The following TMEM144 variants were observed in gnomAD, a reference collection of about 807,000 sequenced individuals.
TMEM144 encodes transmembrane protein 144.
A neutral mutation model predicts 43.6 loss-of-function variants in TMEM144; 39 were observed. That is an observed-to-expected ratio of 0.90 (90% CI 0.69 to 1.17). The LOEUF (loss-of-function observed/expected upper bound fraction) is 1.17, where lower values mean the gene tolerates loss of function less well. TMEM144 is among the 50% of genes most tolerant of loss of function. The pLI is 0.00. For missense variants in TMEM144, 417 were observed against 411.9 expected, an observed-to-expected ratio of 1.01 and a Z score of -0.11; for synonymous variants, 154 against 133.6, an observed-to-expected ratio of 1.15 and a Z score of -1.06.
chr4:158,215,046 T>A (rs1465692276), intron 3 of TMEM144, 145 bp from the exon 4 acceptor site: 2 of 943,914 alleles, frequency 2.1e-6, no homozygotes, highest in Non-Finnish European at 3.2e-6. Context: ...TGCAGAGTAG[T>A]CATAAGAATG....
chr4:158,219,985 G>T (rs1450209048), intron 6 of TMEM144, among the ~76,000 whole-genome samples: 1 of 152,170 alleles, frequency 6.6e-6, no homozygotes, highest in Non-Finnish European at 1.5e-5. Flanking sequence ...GTATGGCAGT[G>T]TTCAGTCCAT....
intron 11 of TMEM144, among the ~76,000 whole-genome samples, chr4:158,243,981 A>G (rs528644220): frequency 9.9e-5 from 15 of 152,206 alleles, no homozygotes; most frequent in Non-Finnish European, 2.2e-4. Context: ...CTAAGGAACT[A>G]GGCCAATGGA....
intron 3 of TMEM144, chr4:158,213,499 TCTC>T (rs1210684935): frequency 5.3e-5 from 8 of 152,252 alleles, no homozygotes; most frequent in African/African-American, 1.9e-4. Context: ...TGAGTGTTGT[TCTC>T]CTAGCCCCAT....
At chr4:158,219,224 G>A in intron 5 of TMEM144, 86 bp from the exon 6 acceptor site, 1 of 1,295,822 alleles carries the variant, frequency 7.7e-7, no homozygotes, top group South Asian at 1.3e-5. Context: ...TTGAACCCAG[G>A]AATCTGGCCC....
At chr4:158,234,653 C>G (rs1041154397) in intron 7 of TMEM144, 1 of 152,164 alleles carries the variant, frequency 6.6e-6, no homozygotes, top group Non-Finnish European at 1.5e-5. Context: ...CAGATAGTAC[C>G]AAACCTATAT....
chr4:158,236,281 T>A (rs1396419282), intron 8 of TMEM144, among the ~76,000 whole-genome samples: 1 of 148,844 alleles, frequency 6.7e-6, no homozygotes, highest in Admixed American at 6.7e-5. Flanking sequence ...TTTGAATGAA[T>A]GAAAGAATAA....
rs879176226 is a variant in TMEM144 at position 158,217,262 on chromosome 4, T to C, written c.233-59T>C. The C allele has an allele frequency of 1.4e-5, 17 of 1,216,482 alleles. No homozygotes were observed. In the South Asian group the frequency reaches 2.2e-4, roughly 16 times the overall value. 75.4% of individuals were successfully genotyped at this position (1,216,482 alleles called of 1,614,324 possible). ...GAAGTTAGAATAAAAACTAATTCTA[T>C]TTATAAATGTATTTTCTATATGGAA... On this transcript the variant is annotated intron_variant, in intron 4 of 12. Coordinates refer to ENST00000296529, the MANE Select transcript of TMEM144 (RefSeq NM_018342.5).
At chr4:158,229,850 GGC>G (rs1734981655) in intron 6 of TMEM144, among the ~76,000 whole-genome samples, 1 of 152,214 alleles carries the variant, frequency 6.6e-6, no homozygotes, top group Non-Finnish European at 1.5e-5. Context: ...CCCTGGCTCC[GGC>G]AGTGGAAAAG....
rs745414213 is a variant in TMEM144, at chr4:158,215,284, C to G, written c.203C>G (p.Ala68Gly). Reference sequence around the variant, plus strand: ...CATTGTCCAAAGTTTTGGCCTTTTGCAATGCTTGGGGGCTGCATTTGGGCA... The same window carrying G: ...CATTGTCCAAAGTTTTGGCCTTTTGGAATGCTTGGGGGCTGCATTTGGGCA... ...ILHCPKFWPFAMLGGCIWATG... is the reference protein window; with the variant it reads ...ILHCPKFWPFGMLGGCIWATG... Residue 68 changes from alanine (A) to glycine (G), a missense_variant, in exon 4 of 13, where the codon GCA (alanine) becomes GGA (glycine). By Grantham distance (60) the Ala-to-Gly change is moderately conservative (BLOSUM62 0). Coordinates refer to ENST00000296529, the MANE Select transcript of TMEM144 (RefSeq NM_018342.5). 6.2e-7 allele frequency: 1 copy of G among 1,613,716 alleles called. No individual in the cohort carries two copies. Among genetic ancestry groups the G allele is most frequent in the East Asian group, 2.2e-5 (1 of 44,860 alleles).
intron 11 of TMEM144, among the ~76,000 whole-genome samples, chr4:158,243,847 C>G (rs1735744072): frequency 1.3e-5 from 2 of 152,178 alleles, no homozygotes; most frequent in African/African-American, 4.8e-5. Flanking sequence ...GCTACTTCCA[C>G]AAGTACATTA....
intron 8 of TMEM144, among the ~76,000 whole-genome samples, chr4:158,237,006 C>T (rs540603441): frequency 1.3e-5 from 2 of 152,242 alleles, no homozygotes; most frequent in South Asian, 4.2e-4. Flanking sequence ...TAAATCAGCA[C>T]TTCTTCTTGA....
At chr4:158,229,187 C>A (rs1433697619) in intron 6 of TMEM144, among the ~76,000 whole-genome samples, 1 of 152,148 alleles carries the variant, frequency 6.6e-6, no homozygotes, top group East Asian at 1.9e-4. Flanking sequence ...AGTTTCGCTT[C>A]TCTTCCCTTT....
At position 158,240,361 on chromosome 4, in the gene TMEM144, G is replaced by A. The variant is rs754984206; in HGVS notation, c.745G>A (p.Ala249Thr). The A allele has an allele frequency of 1.2e-4, 201 of 1,613,522 alleles. No individual in the cohort carries two copies. Among genetic ancestry groups the A allele is most frequent in the Non-Finnish European group, 1.6e-4 (183 of 1,179,860 alleles). ...TCTTACAAGTACTGTCTACTTTCTG[G>A]CCTACTGCATAGCCATGAAAAATAG... ...IFLTSTVYFL[A>T]YCIAMKNSPK... The change falls in exon 10 of 13, where the codon GCC becomes ACC. Residue 249 changes from alanine (A) to threonine (T), a missense_variant. Coordinates refer to ENST00000296529, the MANE Select transcript of TMEM144 (RefSeq NM_018342.5).
At chr4:158,238,780 G>A (rs541283909) in intron 9 of TMEM144, among the ~76,000 whole-genome samples, 1 of 152,234 alleles carries the variant, frequency 6.6e-6, no homozygotes, top group African/African-American at 2.4e-5. Context: ...TAATTGTTCA[G>A]GAGCACAGAT....
chr4:158,237,524 G>A lies in TMEM144; in HGVS notation c.564-1G>A, dbSNP rs751345953. 1 of 1,604,652 alleles carries A rather than the reference G, an allele frequency of 6.2e-7. No individual in the cohort carries two copies. The highest frequency in any genetic ancestry group is 8.5e-7 in the Non-Finnish European group (1 of 1,174,108). ...TAATAGTGATTTATTTGTTTTGTAAGGGGCTGCAGTCTTGCAGTGATATCT... is the reference window on the plus strand; with the variant it reads ...TAATAGTGATTTATTTGTTTTGTAAAGGGCTGCAGTCTTGCAGTGATATCT... On this transcript the variant is annotated splice_acceptor_variant, in intron 8 of 12. Coordinates refer to ENST00000296529, the MANE Select transcript of TMEM144 (RefSeq NM_018342.5). LOFTEE classifies it high-confidence loss of function.
intron 12 of TMEM144, among the ~76,000 whole-genome samples, chr4:158,252,807 CAAAAA>C (rs57460951): frequency 3.0e-5 from 2 of 67,318 alleles, no homozygotes; most frequent in Non-Finnish European, 5.9e-5. Context: ...GACTCCGTCT[CAAAAA>C]AAAAAAAAAA....
chr4:158,252,594 G>C (rs1354357886), intron 12 of TMEM144, among the ~76,000 whole-genome samples: 1 of 152,020 alleles, frequency 6.6e-6, no homozygotes, highest in African/African-American at 2.4e-5. Context: ...GATCACTTGA[G>C]GTCAGGAGTT....
chr4:158,253,504 T>C lies in TMEM144; in HGVS notation c.1015T>C (p.Cys339Arg). ...AFCIILTGALCTAFSKI is the reference protein window; with the variant it reads ...AFCIILTGALRTAFSKI ...TTGCATCATCTTGACTGGAGCCTTA[T>C]GCACTGCTTTTTCTAAAATCTAACA... The change falls in exon 13 of 13, where the codon TGC becomes CGC. Residue 339 changes from cysteine to arginine, a missense_variant. Transcript: ENST00000296529. 1 of 1,613,892 alleles carries C rather than the reference T, an allele frequency of 6.2e-7. No individual in the cohort carries two copies. The highest frequency in any genetic ancestry group is 1.1e-5 in the South Asian group (1 of 91,050).
intron 9 of TMEM144, among the ~76,000 whole-genome samples, chr4:158,239,697 A>T (rs1039218206): frequency 6.6e-6 from 1 of 152,114 alleles, no homozygotes; most frequent in Non-Finnish European, 1.5e-5. Context: ...TTTAAAAGGG[A>T]GGTATTAACA....
Sources: allele counts gnomAD v4.1 joint callset (sites outside exome capture counted in the v4.1 genomes callset), GRCh38; gene constraint gnomAD v4.1.1; transcripts MANE v1.5; gene names NCBI Gene and HGNC (gene_info 2026-07-23, HGNC 2026-07-21).